PACRG: variants seen among roughly 807,000 people sequenced by gnomAD.
PACRG encodes parkin coregulated.
In PACRG, 29 loss-of-function variants were observed where a neutral mutation model predicts 29.7. The ratio of observed to expected loss-of-function variants is 0.98; its 90% CI spans 0.73 to 1.33. The LOEUF (loss-of-function observed/expected upper bound fraction) is 1.33. Ranked by LOEUF, PACRG falls within the 40% of genes most tolerant of loss-of-function variation. The pLI is 0.00. For synonymous variants in PACRG, 116 were observed against 118.7 expected (o/e 0.98, Z 0.15); for missense variants, 279 against 316.2 (o/e 0.88, Z 0.89).
At chr6:163,243,887 G>C (rs564235642) in intron 4 of PACRG, among the ~76,000 whole-genome samples, 1 of 152,304 alleles carries the variant, frequency 6.6e-6, no homozygotes, top group Non-Finnish European at 1.5e-5. Context: ...TCTCACCCTG[G>C]TTAAATAAAC....
At chr6:162,836,249 A>G (rs1295232098) in intron 2 of PACRG, among the ~76,000 whole-genome samples, 4 of 151,980 alleles carry the variant, frequency 2.6e-5, no homozygotes, top group African/African-American at 9.7e-5. Context: ...ATAAATCTTT[A>G]TAACTTAGGC....
At chr6:163,237,584 T>C (rs1782302036) in intron 4 of PACRG, among the ~76,000 whole-genome samples, 1 of 152,238 alleles carries the variant, frequency 6.6e-6, no homozygotes, top group Admixed American at 6.5e-5. Flanking sequence ...ATGTCCTTTT[T>C]AAGATAAAGT....
At chr6:162,820,388 C>A (rs1184808274) in intron 2 of PACRG, among the ~76,000 whole-genome samples, 1 of 152,108 alleles carries the variant, frequency 6.6e-6, no homozygotes, top group Non-Finnish European at 1.5e-5. Flanking sequence ...ATTGACATAA[C>A]TGATAATTTC....
chr6:163,206,221 G>T (rs1780895932), intron 4 of PACRG, among the ~76,000 whole-genome samples: 1 of 152,040 alleles, frequency 6.6e-6, no homozygotes, highest in Non-Finnish European at 1.5e-5. Context: ...GTATATACCT[G>T]AAGTAATATA....
chr6:162,815,624 G>A (rs1787270058), intron 2 of PACRG, among the ~76,000 whole-genome samples: 1 of 151,592 alleles, frequency 6.6e-6, no homozygotes, highest in African/African-American at 2.4e-5. Context: ...GTTAGAATGT[G>A]AACTTGTTAT....
At chr6:163,236,893 C>T (rs1169412451) in intron 4 of PACRG, among the ~76,000 whole-genome samples, 7 of 152,148 alleles carry the variant, frequency 4.6e-5, no homozygotes, top group African/African-American at 1.7e-4. Context: ...GCCAGCTCAT[C>T]TTACATGGCT....
chr6:162,815,326 G>A (rs955891382), intron 2 of PACRG, among the ~76,000 whole-genome samples: 9 of 151,112 alleles, frequency 6.0e-5, no homozygotes, highest in African/African-American at 2.2e-4. Context: ...AGAAATCAAA[G>A]TAAATAGCTT....
intron 2 of PACRG, among the ~76,000 whole-genome samples, chr6:162,830,745 T>C (rs1584481677): frequency 6.6e-6 from 1 of 152,334 alleles, no homozygotes; most frequent in South Asian, 2.1e-4. Context: ...TGTTTACTTA[T>C]CAAGCATTTA....
At chr6:163,297,781 T>C (rs1334002892) in intron 4 of PACRG, among the ~76,000 whole-genome samples, 1 of 152,168 alleles carries the variant, frequency 6.6e-6, no homozygotes, top group Non-Finnish European at 1.5e-5. Context: ...TGTGAGTTCT[T>C]GCCTCTGATT....
At chr6:163,077,466 T>C (rs1213434717) in intron 3 of PACRG, among the ~76,000 whole-genome samples, 4 of 152,124 alleles carry the variant, frequency 2.6e-5, no homozygotes, top group Non-Finnish European at 5.9e-5. Flanking sequence ...AAGCAAAATA[T>C]TCTGTTAAGG....
chr6:163,172,565 G>T (rs1779139583), intron 4 of PACRG, among the ~76,000 whole-genome samples: 2 of 152,054 alleles, frequency 1.3e-5, no homozygotes, highest in African/African-American at 4.8e-5. Flanking sequence ...TTCTTTTCTG[G>T]GAAGAAGAAT....
At chr6:163,311,364 A>G (rs1268976964) in intron 4 of PACRG, among the ~76,000 whole-genome samples, 5 of 152,250 alleles carry the variant, frequency 3.3e-5, no homozygotes, top group Non-Finnish European at 7.3e-5. Context: ...TGCTTTCTAA[A>G]TTGAAGTGTC....
At chr6:163,255,308 T>C (rs1351149945) in intron 4 of PACRG, among the ~76,000 whole-genome samples, 1 of 152,132 alleles carries the variant, frequency 6.6e-6, no homozygotes, top group Non-Finnish European at 1.5e-5. Context: ...CTGGCCAGGC[T>C]TGGTGTCAAA....
intron 1 of PACRG, among the ~76,000 whole-genome samples, chr6:162,734,976 G>A (rs2128252222): frequency 6.6e-6 from 1 of 152,242 alleles, no homozygotes; most frequent in African/African-American, 2.4e-5. Flanking sequence ...TTCTATACAT[G>A]GAATCATAAA....
chr6:162,936,471 T>C (rs768369783), intron 2 of PACRG, among the ~76,000 whole-genome samples: 6 of 152,208 alleles, frequency 3.9e-5, no homozygotes, highest in Non-Finnish European at 7.3e-5. Context: ...TATAGTGATA[T>C]AGCCAATTCC....
chr6:163,047,830 A>T (rs1809556127), intron 2 of PACRG, among the ~76,000 whole-genome samples: 1 of 152,190 alleles, frequency 6.6e-6, no homozygotes, highest in African/African-American at 2.4e-5. Flanking sequence ...CAATATATGC[A>T]TTTATTCATA....
At chr6:163,110,236 A>G (rs1815634740) in intron 4 of PACRG, among the ~76,000 whole-genome samples, 1 of 152,216 alleles carries the variant, frequency 6.6e-6, no homozygotes. Context: ...GCTTCCTGGT[A>G]CCTGGTACAG....
chr6:162,786,929 A>C (rs1346063733), intron 1 of PACRG, among the ~76,000 whole-genome samples: 1 of 152,178 alleles, frequency 6.6e-6, no homozygotes, highest in Non-Finnish European at 1.5e-5. Context: ...AGTAAATCTA[A>C]TATAGCGCAC....
intron 4 of PACRG, among the ~76,000 whole-genome samples, chr6:163,273,487 CCTT>C (rs1203909712): frequency 1.3e-5 from 2 of 152,036 alleles, no homozygotes; most frequent in Non-Finnish European, 2.9e-5. Flanking sequence ...TTTTTGATAA[CCTT>C]CTGTATTTTT....
Sources: allele counts gnomAD v4.1 joint callset (sites outside exome capture counted in the v4.1 genomes callset), GRCh38; gene constraint gnomAD v4.1.1; transcripts MANE v1.5; gene names NCBI Gene and HGNC (gene_info 2026-07-23, HGNC 2026-07-21).